FAM124B: variants seen among roughly 807,000 people sequenced by gnomAD.
FAM124B encodes protein FAM124B.
In FAM124B, 18 loss-of-function variants were observed where a neutral mutation model predicts 19.7. The observed-to-expected ratio is 0.92, with a 90% CI of 0.63 to 1.36. The LOEUF is 1.36. Ranked by LOEUF, FAM124B falls within the 40% of genes most tolerant of loss-of-function variation. FAM124B has a pLI of 0.00. For synonymous variants in FAM124B, 223 were observed against 225.2 expected, an observed-to-expected ratio of 0.99 and a Z score of 0.09; for missense variants, 540 against 553.3, an observed-to-expected ratio of 0.98 and a Z score of 0.24.
At position 224,401,531 on chromosome 2, in the gene FAM124B, C is replaced by G. The variant is rs1690073426; in HGVS notation, c.238G>C (p.Asp80His). 1.2e-6 allele frequency: 2 copies of G among 1,613,990 alleles called. No individual in the cohort carries two copies. Among genetic ancestry groups the G allele is most frequent in the East Asian group, 2.2e-5 (1 of 44,878 alleles). ...GAGTCCAGGACGCGAAATAGCCTAT[C>G]CTCTCCCGGGCTTTCGTGCAGGAAG... ...LLFLHESPGEDRLFRVLDSLQ... is the reference protein window; with the variant it reads ...LLFLHESPGEHRLFRVLDSLQ... The change falls in exon 1 of 2, where the codon GAT (aspartate) becomes CAT (histidine). Residue 80 changes from aspartate to histidine, a missense_variant. Coordinates refer to ENST00000409685, the MANE Select transcript of FAM124B (RefSeq NM_001122779.2).
chr2:224,395,574 C>T (rs114634269), intron 1 of FAM124B, among the ~76,000 whole-genome samples: 1,678 of 152,260 alleles, frequency 0.011, 28 homozygotes, highest in African/African-American at 0.037. Flanking sequence ...TTTGCACCCA[C>T]TAAGAATTGA....
chr2:224,387,314 T>G (rs1429491853), intron 1 of FAM124B, among the ~76,000 whole-genome samples: 2 of 152,212 alleles, frequency 1.3e-5, no homozygotes, highest in African/African-American at 4.8e-5. Flanking sequence ...CTCTGAACTC[T>G]TGAAAATCAA....
intron 1 of FAM124B, among the ~76,000 whole-genome samples, chr2:224,382,451 C>T (rs1324254693): frequency 1.4e-5 from 2 of 144,736 alleles, no homozygotes; most frequent in African/African-American, 5.2e-5. Flanking sequence ...CTCTTGTTGC[C>T]CAATCTGGAG....
intron 1 of FAM124B, among the ~76,000 whole-genome samples, chr2:224,388,762 C>T (rs1234035003): frequency 6.6e-6 from 1 of 152,056 alleles, no homozygotes; most frequent in African/African-American, 2.4e-5. Context: ...AAGAAAGAAG[C>T]CTTCCTAAAT....
chr2:224,378,987 C>T lies in FAM124B; in HGVS notation c.*586G>A, dbSNP rs1689668135. 1 of 152,510 alleles carries T rather than the reference C, an allele frequency of 6.6e-6. No homozygotes were observed. Among genetic ancestry groups the T allele is most frequent in the Non-Finnish European group, 1.5e-5 (1 of 68,286 alleles). The allele number at this position is 152,510 out of a possible 1,614,324, so 9.4% of individuals were successfully genotyped here. Reference sequence around the variant, plus strand: ...GATTTTCTGGCTTCCAGTATTTTGGCTCATTAAACAGGAAAACAAAATTAA... The same window carrying T: ...GATTTTCTGGCTTCCAGTATTTTGGTTCATTAAACAGGAAAACAAAATTAA... On this transcript the variant is annotated 3_prime_UTR_variant, in exon 2 of 2. Coordinates refer to ENST00000409685, the MANE Select transcript of FAM124B (RefSeq NM_001122779.2).
At chr2:224,389,587 G>A (rs563064664) in intron 1 of FAM124B, among the ~76,000 whole-genome samples, 1 of 152,210 alleles carries the variant, frequency 6.6e-6, no homozygotes, top group East Asian at 1.9e-4. Flanking sequence ...CAAAACCTGG[G>A]CAACTGGGAG....
intron 1 of FAM124B, among the ~76,000 whole-genome samples, chr2:224,391,208 C>T (rs1373930378): frequency 6.6e-6 from 1 of 150,812 alleles, no homozygotes; most frequent in African/African-American, 2.4e-5. Context: ...GGGCATGGTG[C>T]CGCACACCTA....
At chr2:224,392,394 T>C (rs1574574743) in intron 1 of FAM124B, among the ~76,000 whole-genome samples, 1 of 152,118 alleles carries the variant, frequency 6.6e-6, no homozygotes, top group African/African-American at 2.4e-5. Context: ...CAGTGAGCTA[T>C]GATCATGCCA....
In FAM124B at chr2:224,401,277, C is replaced by A; in HGVS notation, c.492G>T (p.Ala164=). The change falls in exon 1 of 2, where the codon GCG becomes GCT. Residue 164 remains alanine, a synonymous_variant. Coordinates refer to ENST00000409685, the MANE Select transcript of FAM124B (RefSeq NM_001122779.2). ...RLYEMILQRE[A]TLQKSNFCFF... ...AACAAAAATTGCTCTTTTGCAAGGTCGCTTCTCTCTGCAGGATCATCTCGT... is the reference window on the plus strand; with the variant it reads ...AACAAAAATTGCTCTTTTGCAAGGTAGCTTCTCTCTGCAGGATCATCTCGT... 1 of 1,613,918 alleles carries A rather than the reference C, an allele frequency of 6.2e-7. No individual in the cohort carries two copies. The highest frequency in any genetic ancestry group is 8.5e-7 in the Non-Finnish European group (1 of 1,179,998).
intron 1 of FAM124B, among the ~76,000 whole-genome samples, chr2:224,385,696 C>T (rs567992579): frequency 6.6e-6 from 1 of 152,334 alleles, no homozygotes; most frequent in Non-Finnish European, 1.5e-5. Flanking sequence ...CCTCCTCACA[C>T]CAAGTCTGTT....
chr2:224,395,723 T>C (rs934119720), intron 1 of FAM124B, among the ~76,000 whole-genome samples: 1 of 152,224 alleles, frequency 6.6e-6, no homozygotes, highest in African/African-American at 2.4e-5. Context: ...CTATTTGATA[T>C]GCTCATATCG....
intron 1 of FAM124B, chr2:224,400,487 C>T: frequency 1.4e-6 from 1 of 696,158 alleles, no homozygotes; most frequent in Non-Finnish European, 2.6e-6. Context: ...GTCTGGGCAA[C>T]AGAGGAAGAC....
At chr2:224,394,890 G>A (rs957025195) in intron 1 of FAM124B, among the ~76,000 whole-genome samples, 1 of 152,160 alleles carries the variant, frequency 6.6e-6, no homozygotes, top group Non-Finnish European at 1.5e-5. Flanking sequence ...GGTACTGCAG[G>A]CGCTTGCAGG....
chr2:224,380,237 A>C (rs1376456938), intron 1 of FAM124B, 29 bp from the exon 2 acceptor site: 1 of 1,502,528 alleles, frequency 6.7e-7, no homozygotes, highest in South Asian at 1.3e-5. Flanking sequence ...GGAACATATG[A>C]AACATAATTT....
At chr2:224,390,825 C>T (rs1441488576) in intron 1 of FAM124B, among the ~76,000 whole-genome samples, 1 of 150,156 alleles carries the variant, frequency 6.7e-6, no homozygotes, top group African/African-American at 2.5e-5. Context: ...CTCAGCCTCC[C>T]GAGTAGCTGG....
intron 1 of FAM124B, among the ~76,000 whole-genome samples, chr2:224,398,866 C>T (rs1181229583): frequency 6.6e-6 from 1 of 152,178 alleles, no homozygotes; most frequent in African/African-American, 2.4e-5. Context: ...GTCTCAGCCA[C>T]TTGGGAAAGC....
At chr2:224,391,646 A>C (rs1291637980) in intron 1 of FAM124B, among the ~76,000 whole-genome samples, 1 of 152,220 alleles carries the variant, frequency 6.6e-6, no homozygotes, top group East Asian at 1.9e-4. Flanking sequence ...TATATTAACA[A>C]ATATTCTTTT....
chr2:224,384,714 G>A (rs576899819), intron 1 of FAM124B, among the ~76,000 whole-genome samples: 125 of 152,250 alleles, frequency 8.2e-4, no homozygotes, highest in African/African-American at 2.4e-3. Flanking sequence ...GATTATCAAG[G>A]AAGCAGATGC....
rs752556349 is a variant in FAM124B at position 224,379,859 on chromosome 2, G to A, written c.1082C>T (p.Thr361Met). ...GATGGTCAAGCCGGTGTCAACATTC[G>A]TCTCGGCCTCAAGCTTCTGAAAGCT... is the stretch of plus-strand genomic sequence containing the variant. ...ENSFQKLEAE[T>M]NVDTGLTIIN... The change falls in exon 2 of 2, where the codon ACG becomes ATG. Residue 361 changes from threonine (T) to methionine (M), a missense_variant. By Grantham distance (81) the Thr-to-Met change is moderately conservative. Transcript: ENST00000409685. The A allele has an allele frequency of 1.3e-5, 20 of 1,552,036 alleles. No individual in the cohort carries two copies. Among genetic ancestry groups the A allele is most frequent in the South Asian group, 4.8e-5 (4 of 84,066 alleles).
Sources: gnomAD v4.1 joint callset for allele counts (sites outside exome capture counted in the v4.1 genomes callset) on GRCh38, gnomAD v4.1.1 for gene constraint, MANE v1.5 for transcripts, NCBI Gene and HGNC (gene_info 2026-07-23, HGNC 2026-07-21) for gene names.